Variants in AMMECR1 observed in about 807,000 individuals in gnomAD.
The protein encoded by AMMECR1 is AMMECR nuclear protein 1, also known as nuclear protein AMMECR1.
AMMECR1 carries 3 observed loss-of-function variants against 22.5 expected under a neutral mutation model. The observed-to-expected ratio is 0.13, with a 90% CI of 0.06 to 0.35. AMMECR1 has a LOEUF of 0.35. AMMECR1 is among the 10% of genes least tolerant of loss of function. The pLI is 1.00. For synonymous variants in AMMECR1, 130 were observed against 116.7 expected (o/e 1.11, Z -0.74); for missense variants, 235 against 278.7 (o/e 0.84, Z 1.12).
chrX:110,201,096 A>G, intron 4 of AMMECR1, 46 bp from the exon 5 acceptor site: 1 of 854,092 alleles, frequency 1.2e-6, no homozygotes, highest in Non-Finnish European at 1.7e-6. Context: ...CACATGTAAC[A>G]AACACCTTTC....
intron 5 of AMMECR1, among the ~76,000 whole-genome samples, chrX:110,199,118 C>T (rs890525874): frequency 2.7e-5 from 3 of 111,651 alleles, no homozygotes; most frequent in Non-Finnish European, 3.8e-5. Flanking sequence ...CCACATTTCT[C>T]AAATAGTTGT....
chrX:110,246,626 A>G (rs1210130460), intron 2 of AMMECR1, among the ~76,000 whole-genome samples: 4 of 112,295 alleles, frequency 3.6e-5, no homozygotes, highest in African/African-American at 9.7e-5. Flanking sequence ...TCAAGGGACT[A>G]CCAATCTAAG....
chrX:110,419,727 GA>G (rs1028512705), intron 2 of AMMECR1, among the ~76,000 whole-genome samples: 1 of 111,598 alleles, frequency 9.0e-6, no homozygotes, highest in Non-Finnish European at 1.9e-5. Flanking sequence ...CATTCCATAG[GA>G]AAAAAAATCA....
At chrX:110,321,491 GA>G (rs1163859092), upstream of AMMECR1, among the ~76,000 whole-genome samples, 1 of 111,353 alleles carries the variant, frequency 9.0e-6, no homozygotes, top group Non-Finnish European at 1.9e-5. Context: ...TACAACTGTG[GA>G]AAAAAATACT....
rs188006839 is a variant in AMMECR1, at chrX:110,382,811, C to T, written c.-148+43847G>A. On this transcript the variant is annotated intron_variant, in intron 2 of 7. Coordinates refer to the AMMECR1 transcript ENST00000372057. ...ACGGGGCCACTGTGTTAATTAAATT[C>T]CATGTCGTTTCTCAGCTGGACCAGG... 4.5e-4 allele frequency among the ~76,000 whole-genome samples: 50 copies of T among 112,189 alleles called. No individual in the cohort carries two copies. In the Middle Eastern group the frequency reaches 0.014, roughly 31 times the overall value.
intron 1 of AMMECR1, among the ~76,000 whole-genome samples, chrX:110,266,097 A>C (rs1378433082): frequency 9.1e-6 from 1 of 110,452 alleles, no homozygotes; most frequent in East Asian, 2.8e-4. Context: ...TAACAAACAA[A>C]AGGTAAAAGC....
intron 2 of AMMECR1, among the ~76,000 whole-genome samples, chrX:110,403,475 C>T (rs189115093): frequency 1.8e-5 from 2 of 111,272 alleles, no homozygotes; most frequent in African/African-American, 6.5e-5. Context: ...CACGCATGCG[C>T]GCACACACAT....
At chrX:110,284,060 C>T (rs957631863) in intron 1 of AMMECR1, among the ~76,000 whole-genome samples, 2 of 110,781 alleles carry the variant, frequency 1.8e-5, no homozygotes, top group African/African-American at 3.3e-5. Flanking sequence ...CAGGAGGCGG[C>T]GGTTGCGGTG....
chrX:110,383,567 C>A (rs1420626512), intron 2 of AMMECR1, among the ~76,000 whole-genome samples: 1 of 111,470 alleles, frequency 9.0e-6, no homozygotes, highest in Non-Finnish European at 1.9e-5. Context: ...ATACCCTAAA[C>A]TCCAGTCATA....
intron 2 of AMMECR1, among the ~76,000 whole-genome samples, chrX:110,323,916 C>T (rs1265860874): frequency 9.0e-6 from 1 of 111,489 alleles, no homozygotes; most frequent in African/African-American, 3.3e-5. Flanking sequence ...CAATTTTAAA[C>T]TTTTTTGTTA....
chrX:110,225,146 T>C, intron 2 of AMMECR1: 2 of 313,480 alleles, frequency 6.4e-6, no homozygotes, highest in Non-Finnish European at 1.2e-5. Context: ...AAGTATATAC[T>C]TGTACTACTA....
chrX:110,317,427 C>A (rs183329745), intron 1 of AMMECR1, among the ~76,000 whole-genome samples, 172 bp downstream of exon 1: 1 of 111,981 alleles, frequency 8.9e-6, no homozygotes, highest in Non-Finnish European at 1.9e-5. Flanking sequence ...GGGGTGCCTG[C>A]CTCGGAGGGC....
At chrX:110,391,080 T>C (rs956936686) in intron 2 of AMMECR1, among the ~76,000 whole-genome samples, 2 of 112,032 alleles carry the variant, frequency 1.8e-5, no homozygotes, top group African/African-American at 6.5e-5. Context: ...TGACTTTGGG[T>C]TATTTTCTAG....
At chrX:110,335,333 T>C (rs1362901566) in intron 2 of AMMECR1, among the ~76,000 whole-genome samples, 1 of 111,006 alleles carries the variant, frequency 9.0e-6, no homozygotes, top group Admixed American at 9.6e-5. Flanking sequence ...AGTCAGACGA[T>C]CACTAGGAAA....
rs1256202189 is a variant in AMMECR1 at position 110,317,761 on chromosome X, G to A, written c.311C>T (p.Thr104Ile). 5 of 1,184,772 alleles carry A rather than the reference G, an allele frequency of 4.2e-6. No individual in the cohort carries two copies. Among genetic ancestry groups the A allele is most frequent in the African/African-American group, 1.7e-5 (1 of 57,256 alleles). Residue 104 changes from threonine to isoleucine, a missense_variant, in exon 1 of 6, where the codon ACC (threonine) becomes ATC (isoleucine). By Grantham distance (89) the Thr-to-Ile change is moderately conservative. Transcript: ENST00000262844. ...GGACGATGAGGAGGGTGAGGAAGAG[G>A]TGGCGGCGGCCGGGGTAGAAAGTAG... ...GTLLSTPAAA[T>I]SSSPSSSSAA...
chrX:110,369,435 G>C (rs922993605), intron 2 of AMMECR1, among the ~76,000 whole-genome samples: 1 of 112,108 alleles, frequency 8.9e-6, no homozygotes, highest in African/African-American at 3.2e-5. Context: ...ACGATACAAA[G>C]TGCCAAATGT....
rs372083534 is a variant in AMMECR1, at chrX:110,317,910, G to T, written c.162C>A (p.Asn54Lys). 1 of 1,195,876 alleles carries T rather than the reference G, an allele frequency of 8.4e-7. No homozygotes were observed. The highest frequency in any genetic ancestry group is 2.2e-5 in the Admixed American group (1 of 44,971). The change falls in exon 1 of 6, where the codon AAC (asparagine) becomes AAA (lysine). Residue 54 changes from asparagine (N) to lysine (K), a missense_variant. By Grantham distance (94) the Asn-to-Lys change is moderately conservative. Transcript: ENST00000262844. ...LGLGGAGTRL[N>K]GLGGLTGGGS... ...CTCCTCCGGTTAGACCTCCCAGCCC[G>T]TTGAGCCGCGTACCGGCGCCTCCTA...
upstream of AMMECR1, among the ~76,000 whole-genome samples, chrX:110,318,491 G>T (rs750229556): frequency 4.5e-5 from 5 of 110,835 alleles, no homozygotes; most frequent in African/African-American, 1.3e-4. Flanking sequence ...GAAACTAGTG[G>T]GGGTAGGGGG....
chrX:110,335,522 G>A (rs982942989), intron 2 of AMMECR1, among the ~76,000 whole-genome samples: 1 of 111,613 alleles, frequency 9.0e-6, no homozygotes. Flanking sequence ...AGGGGTTGCC[G>A]ATGGCATAGG....
Sources: gnomAD v4.1 joint callset for allele counts (sites outside exome capture counted in the v4.1 genomes callset) on GRCh38, gnomAD v4.1.1 for gene constraint, MANE v1.5 for transcripts, NCBI Gene and HGNC (gene_info 2026-07-23, HGNC 2026-07-21) for gene names.